LOXHD1: variants seen among roughly 807,000 people sequenced by gnomAD.
The protein encoded by LOXHD1 is lipoxygenase homology domain-containing protein 1.
A neutral mutation model predicts 248.2 loss-of-function variants in LOXHD1; 205 were observed. That is an observed-to-expected ratio of 0.83 (90% CI 0.74 to 0.93). The LOEUF (loss-of-function observed/expected upper bound fraction) is 0.93. LOXHD1 is among the 40% of genes least tolerant of loss of function. The pLI is 0.00. For synonymous variants in LOXHD1, 1,113 were observed against 1,162.8 expected, an observed-to-expected ratio of 0.96 and a Z score of 0.87; for missense variants, 2,930 against 2,971.6, an observed-to-expected ratio of 0.99 and a Z score of 0.33.
At chr18:46,584,456 G>C (rs575644624) in intron 12 of LOXHD1, among the ~76,000 whole-genome samples, 11 of 152,140 alleles carry the variant, frequency 7.2e-5, no homozygotes, top group Admixed American at 6.5e-4. Flanking sequence ...ATTGGATCAT[G>C]ATACAACATA....
chr18:46,516,504 G>T (rs749669022), intron 34 of LOXHD1, among the ~76,000 whole-genome samples: 5 of 152,156 alleles, frequency 3.3e-5, no homozygotes, highest in African/African-American at 4.8e-5. Flanking sequence ...CAGCTTGCAC[G>T]AGCTGCTCCG....
intron 28 of LOXHD1, among the ~76,000 whole-genome samples, chr18:46,532,014 G>GT (rs1361582902): frequency 6.6e-6 from 1 of 152,214 alleles, no homozygotes; most frequent in African/African-American, 2.4e-5. Flanking sequence ...AAGGAAGATG[G>GT]TGTTTGTCTT....
chr18:46,637,655 G>A (rs1247844185), intron 4 of LOXHD1, among the ~76,000 whole-genome samples: 5 of 151,768 alleles, frequency 3.3e-5, no homozygotes, highest in Non-Finnish European at 5.9e-5. Context: ...CATAAAAATT[G>A]CCAATAAATG....
chr18:46,506,378 C>T (rs2282553), intron 36 of LOXHD1, among the ~76,000 whole-genome samples: 58,035 of 152,066 alleles, frequency 0.38, 11,619 homozygotes, highest in Non-Finnish European at 0.44. Context: ...ACCTCCTGCA[C>T]AGTGTGGGTT....
At chr18:46,503,217 C>G (rs1418087566) in intron 37 of LOXHD1, among the ~76,000 whole-genome samples, 1 of 152,186 alleles carries the variant, frequency 6.6e-6, no homozygotes, top group Non-Finnish European at 1.5e-5. Context: ...CTGATTAAGG[C>G]AGGGACATAG....
At chr18:46,602,309 G>A (rs914074475) in intron 7 of LOXHD1, among the ~76,000 whole-genome samples, 1 of 152,074 alleles carries the variant, frequency 6.6e-6, no homozygotes, top group Non-Finnish European at 1.5e-5. Context: ...AGGCTCAAGC[G>A]ATTCTCGTGT....
chr18:46,521,109 G>A lies in LOXHD1; in HGVS notation c.5259C>T (p.Asn1753=), dbSNP rs2035555410. 3 of 1,551,560 alleles carry A rather than the reference G, an allele frequency of 1.9e-6. No individual in the cohort carries two copies. The highest frequency in any genetic ancestry group is 2.7e-5 in the African/African-American group (2 of 73,024). ...VFDLLDAMVV[N]IGVKVLYEMT... The stretch of plus-strand genomic sequence containing the variant: ...GTGCCCCCCCTACCTTCACCCCAAT[G>A]TTCACCACCATGGCATCCAAGAGGT... Residue 1753 remains asparagine, a synonymous_variant, in exon 33 of 41, where the codon AAC becomes AAT. Coordinates refer to ENST00000642948, the MANE Select transcript of LOXHD1 (RefSeq NM_001384474.1).
intron 6 of LOXHD1, 29 bp downstream of exon 6, chr18:46,610,747 A>G: frequency 2.6e-6 from 4 of 1,534,528 alleles, no homozygotes; most frequent in Non-Finnish European, 3.5e-6. Context: ...CCAAGGCCAC[A>G]GGGACTGCAG....
intron 29 of LOXHD1, among the ~76,000 whole-genome samples, chr18:46,528,400 G>A (rs1226143633): frequency 3.3e-5 from 5 of 152,098 alleles, no homozygotes; most frequent in African/African-American, 7.2e-5. Context: ...CCAAGCTTGC[G>A]AGAAAGGAAG....
chr18:46,584,895 C>A (rs796662620), intron 12 of LOXHD1, among the ~76,000 whole-genome samples: 11 of 152,192 alleles, frequency 7.2e-5, no homozygotes, highest in African/African-American at 2.6e-4. Flanking sequence ...CCCAGAGATA[C>A]AAATTGGCTT....
At chr18:46,502,778 A>T (rs2034318621) in intron 37 of LOXHD1, among the ~76,000 whole-genome samples, 1 of 152,142 alleles carries the variant, frequency 6.6e-6, no homozygotes. Flanking sequence ...TGGCTCTGGC[A>T]TGGAAAAGTT....
intron 5 of LOXHD1, among the ~76,000 whole-genome samples, chr18:46,613,131 T>C (rs1029622401): frequency 2.0e-5 from 3 of 152,124 alleles, no homozygotes; most frequent in African/African-American, 7.2e-5. Context: ...AGCTGTGGGG[T>C]ATTGCCTTTT....
chr18:46,580,494 C>T (rs868859191), intron 12 of LOXHD1, among the ~76,000 whole-genome samples: 17 of 152,156 alleles, frequency 1.1e-4, no homozygotes, highest in Admixed American at 1.3e-4. Flanking sequence ...CCTGCATGCC[C>T]AGCCCTCCTT....
intron 4 of LOXHD1, among the ~76,000 whole-genome samples, chr18:46,639,329 T>A (rs1403236957): frequency 6.6e-6 from 1 of 152,166 alleles, no homozygotes; most frequent in South Asian, 2.1e-4. Flanking sequence ...TCAACAAGAA[T>A]CATTGAGAAC....
At chr18:46,566,125 T>C (rs987166999) in intron 17 of LOXHD1, 132 bp downstream of exon 17, 46 of 971,568 alleles carry the variant, frequency 4.7e-5, no homozygotes, top group Non-Finnish European at 6.7e-5. Context: ...AAAGCCCCCA[T>C]TTTCTCCCTG....
At chr18:46,531,474 C>T (rs2036064558) in intron 28 of LOXHD1, among the ~76,000 whole-genome samples, 1 of 152,142 alleles carries the variant, frequency 6.6e-6, no homozygotes, top group Admixed American at 6.5e-5. Flanking sequence ...GTGAGCTAAT[C>T]ACAGGTGGCA....
At chr18:46,651,389 G>A (rs1168326414) in intron 1 of LOXHD1, among the ~76,000 whole-genome samples, 1 of 152,126 alleles carries the variant, frequency 6.6e-6, no homozygotes, top group Non-Finnish European at 1.5e-5. Flanking sequence ...GCCCACTCCT[G>A]ACTCCTCTCA....
chr18:46,533,468 G>A (rs1433079909), intron 27 of LOXHD1, 144 bp from the exon 28 acceptor site: 5 of 802,194 alleles, frequency 6.2e-6, no homozygotes, highest in Non-Finnish European at 9.6e-6. Flanking sequence ...AGAGCCCCTT[G>A]CCCCAATTTC....
At chr18:46,546,839 G>A in intron 22 of LOXHD1, 56 bp downstream of exon 22, 2 of 1,512,830 alleles carry the variant, frequency 1.3e-6, no homozygotes, top group East Asian at 4.9e-5. Flanking sequence ...CTTAGGGTTA[G>A]GGAGAGGCAG....
Sources: allele counts gnomAD v4.1 joint callset (sites outside exome capture counted in the v4.1 genomes callset), GRCh38; gene constraint gnomAD v4.1.1; transcripts MANE v1.5; gene names NCBI Gene and HGNC (gene_info 2026-07-23, HGNC 2026-07-21).